ATP8A2: variants seen among roughly 807,000 people sequenced by gnomAD.
ATP8A2 encodes ATPase phospholipid transporting 8A2, also known as phospholipid-transporting ATPase IB.
In ATP8A2, 100 loss-of-function variants were observed where a neutral mutation model predicts 165.6. The ratio of observed to expected loss-of-function variants is 0.60; its 90% confidence interval spans 0.51 to 0.71. ATP8A2 has a LOEUF of 0.71. Ranked by LOEUF, ATP8A2 falls within the 30% of genes least tolerant of loss-of-function variation. The pLI is 0.00. For synonymous variants in ATP8A2, 543 were observed against 548.8 expected (o/e 0.99, Z 0.15); for missense variants, 1,227 against 1,479.5 (o/e 0.83, Z 2.80).
At chr13:25,732,401 C>T (rs1593264557) in intron 25 of ATP8A2, among the ~76,000 whole-genome samples, 2 of 152,118 alleles carry the variant, frequency 1.3e-5, no homozygotes, top group South Asian at 4.1e-4. Flanking sequence ...TGGTGATATT[C>T]GAGGTAGTGG....
intron 1 of ATP8A2, among the ~76,000 whole-genome samples, chr13:25,432,351 T>C (rs2034639438): frequency 6.6e-6 from 1 of 152,190 alleles, no homozygotes. Flanking sequence ...CTTTTGTGCC[T>C]CATCTACAGT....
At chr13:25,718,892 G>A (rs1410355925) in intron 25 of ATP8A2, among the ~76,000 whole-genome samples, 15 of 152,082 alleles carry the variant, frequency 9.9e-5, no homozygotes, top group Non-Finnish European at 1.5e-4. Context: ...TAGACAAGTT[G>A]GTACAAAAAT....
At chr13:25,911,663 C>T (rs948405973) in intron 33 of ATP8A2, among the ~76,000 whole-genome samples, 2 of 152,108 alleles carry the variant, frequency 1.3e-5, no homozygotes, top group South Asian at 2.1e-4. Flanking sequence ...CAGGTGGAGA[C>T]GCCGCAGAAT....
chr13:25,653,946 C>G (rs1170458736), intron 24 of ATP8A2, among the ~76,000 whole-genome samples: 3 of 151,954 alleles, frequency 2.0e-5, no homozygotes, highest in Non-Finnish European at 4.4e-5. Flanking sequence ...AGAGAGAGAA[C>G]CAGGTGAATG....
chr13:25,933,067 C>G (rs959983405), intron 33 of ATP8A2, among the ~76,000 whole-genome samples: 2 of 152,224 alleles, frequency 1.3e-5, no homozygotes, highest in Non-Finnish European at 2.9e-5. Flanking sequence ...AGGCTGGTCT[C>G]AAACTCCTGA....
At chr13:25,659,782 C>T (rs2042011482) in intron 24 of ATP8A2, among the ~76,000 whole-genome samples, 1 of 152,138 alleles carries the variant, frequency 6.6e-6, no homozygotes. Context: ...TTTCCCTTGC[C>T]AGCTTTGTGA....
chr13:25,531,195 T>TTATATGATA (rs2038032996), intron 4 of ATP8A2, among the ~76,000 whole-genome samples: 2 of 140,644 alleles, frequency 1.4e-5, no homozygotes, highest in South Asian at 2.2e-4. Flanking sequence ...GTTATATATG[T>TTATATGATA]TATATATGAT....
intron 33 of ATP8A2, among the ~76,000 whole-genome samples, chr13:25,945,396 A>G (rs2139123541): frequency 6.6e-6 from 1 of 152,346 alleles, no homozygotes; most frequent in Non-Finnish European, 1.5e-5. Context: ...TTAATGGTGG[A>G]TGTAACGTTA....
At chr13:25,562,670 A>G (rs1239908279) in intron 15 of ATP8A2, among the ~76,000 whole-genome samples, 1 of 151,844 alleles carries the variant, frequency 6.6e-6, no homozygotes, top group Non-Finnish European at 1.5e-5. Context: ...CAGTGATTGT[A>G]CCTTTCAGCT....
intron 2 of ATP8A2, among the ~76,000 whole-genome samples, chr13:25,493,927 G>A (rs2036598171): frequency 6.6e-6 from 1 of 152,144 alleles, no homozygotes; most frequent in Non-Finnish European, 1.5e-5. Flanking sequence ...AAGAAGAAGA[G>A]AGACTTCTTT....
chr13:25,912,564 C>T (rs1041286149), intron 33 of ATP8A2, among the ~76,000 whole-genome samples: 8 of 152,074 alleles, frequency 5.3e-5, no homozygotes, highest in African/African-American at 1.4e-4. Flanking sequence ...CAAAAAGATG[C>T]GTATTTGATG....
intron 7 of ATP8A2, among the ~76,000 whole-genome samples, chr13:25,539,414 G>GTT (rs77458058): frequency 2.7e-5 from 4 of 148,168 alleles, no homozygotes; most frequent in African/African-American, 9.9e-5. Flanking sequence ...TGCCCAGCCA[G>GTT]TTTTTTTTTT....
At chr13:25,622,957 G>A (rs1357202320) in intron 24 of ATP8A2, among the ~76,000 whole-genome samples, 2 of 152,138 alleles carry the variant, frequency 1.3e-5, no homozygotes, top group African/African-American at 4.8e-5. Context: ...TAGAATTGGT[G>A]TTTAAGTCCA....
rs76608868 is a variant in ATP8A2, at chr13:25,690,788, T to C, written c.2212-8385T>C. Among the ~76,000 whole-genome samples the C allele has an allele frequency of 0.019, 2,948 of 152,256 alleles. 204 individuals are homozygous for C. The East Asian group carries it at 0.24, about 12-fold the overall frequency. ...CTTACAGTTTCTGGAAGGTTAAACA[T>C]GCACTTGCTCTGTTTGTGCCTGTAT... On this transcript the variant is annotated intron_variant, in intron 24 of 36. Coordinates refer to ENST00000381655, the MANE Select transcript of ATP8A2 (RefSeq NM_016529.6).
intron 33 of ATP8A2, among the ~76,000 whole-genome samples, chr13:25,925,388 G>A (rs1029030665): frequency 2.4e-4 from 37 of 152,034 alleles, no homozygotes; most frequent in Non-Finnish European, 4.7e-4. Flanking sequence ...CAAAAAAGTA[G>A]CCGGGTGTGG....
chr13:25,485,027 T>C (rs553069195), intron 2 of ATP8A2, among the ~76,000 whole-genome samples: 29 of 152,356 alleles, frequency 1.9e-4, no homozygotes, highest in Non-Finnish European at 3.8e-4. Context: ...TTGTTAAAAC[T>C]GCCTCATAGT....
At chr13:25,684,781 A>T (rs1326751601) in intron 24 of ATP8A2, among the ~76,000 whole-genome samples, 1 of 152,148 alleles carries the variant, frequency 6.6e-6, no homozygotes, top group African/African-American at 2.4e-5. Context: ...ACATAGTTTC[A>T]AGCACTGGGG....
At chr13:25,659,899 T>C (rs2042013347) in intron 24 of ATP8A2, among the ~76,000 whole-genome samples, 1 of 152,178 alleles carries the variant, frequency 6.6e-6, no homozygotes, top group Non-Finnish European at 1.5e-5. Context: ...AATAAGCATG[T>C]TATTACATTT....
At chr13:25,510,637 C>T (rs1379258950) in intron 2 of ATP8A2, among the ~76,000 whole-genome samples, 4 of 152,146 alleles carry the variant, frequency 2.6e-5, no homozygotes, top group African/African-American at 7.2e-5. Context: ...CTTCTTTTAT[C>T]CATGATCTAG....
Sources: allele counts gnomAD v4.1 joint callset (sites outside exome capture counted in the v4.1 genomes callset), GRCh38; gene constraint gnomAD v4.1.1; transcripts MANE v1.5; gene names NCBI Gene and HGNC (gene_info 2026-07-23, HGNC 2026-07-21).